WDR64: variants seen among roughly 807,000 people sequenced by gnomAD.
The protein encoded by WDR64 is WD repeat domain 64.
In WDR64, 112 loss-of-function variants were observed where a neutral mutation model predicts 139.3. The observed-to-expected ratio is 0.80, with a 90% confidence interval of 0.69 to 0.94. The LOEUF (loss-of-function observed/expected upper bound fraction) is 0.94, where lower values mean the gene tolerates loss of function less well. Ranked by LOEUF, WDR64 falls within the 40% of genes least tolerant of loss-of-function variation. The pLI is 0.00. For synonymous variants in WDR64, 444 were observed against 437.7 expected (o/e 1.01, Z -0.18); for missense variants, 1,206 against 1,293.1 (o/e 0.93, Z 1.03).
Position 241,770,613 on chromosome 1 carries a change from C to T in WDR64, c.2184-8C>T. The stretch of plus-strand genomic sequence containing the variant: ...TTTTACCTGTGGGCTTCCCCACTCC[C>T]CTTATAGGAGATCAAGTCAGGATTC... On this transcript the variant is annotated splice_polypyrimidine_tract_variant and splice_region_variant and intron_variant, in intron 17 of 27. Transcript: ENST00000437684. 1 of 1,551,028 alleles carries T rather than the reference C, an allele frequency of 6.4e-7. No homozygotes were observed. The highest frequency in any genetic ancestry group is 8.7e-7 in the Non-Finnish European group (1 of 1,146,656).
At chr1:241,787,369 A>AAG (rs1191232518) in intron 23 of WDR64, among the ~76,000 whole-genome samples, 2 of 151,270 alleles carry the variant, frequency 1.3e-5, no homozygotes, top group African/African-American at 4.9e-5. Context: ...TCAAAAAAAA[A>AAG]AAAAAAAAAT....
intron 27 of WDR64, among the ~76,000 whole-genome samples, chr1:241,799,496 A>G (rs909403306): frequency 3.3e-5 from 5 of 152,180 alleles, no homozygotes; most frequent in African/African-American, 1.2e-4. Context: ...TTTATTTTCA[A>G]ATCAATGTTG....
chr1:241,723,323 C>G lies in WDR64; in HGVS notation c.1081C>G (p.His361Asp). 1.9e-6 allele frequency: 3 copies of G among 1,613,930 alleles called. No homozygotes were observed. Among genetic ancestry groups the G allele is most frequent in the Non-Finnish European group, 2.5e-6 (3 of 1,179,880 alleles). ...AGATGATAAGGTCATCCGGTTGTGGCACCCCAATATCAGCACCAAGCCAGT... is the reference window on the plus strand; with the variant it reads ...AGATGATAAGGTCATCCGGTTGTGGGACCCCAATATCAGCACCAAGCCAGT... ...GGDDKVIRLW[H>D]PNISTKPVGK... Residue 361 changes from histidine (H) to aspartate (D), a missense_variant, in exon 10 of 28, where the codon CAC becomes GAC. Coordinates refer to ENST00000437684, the MANE Select transcript of WDR64 (RefSeq NM_001367482.1).
At chr1:241,693,425 G>A (rs1029687839) in intron 8 of WDR64, among the ~76,000 whole-genome samples, 2 of 150,228 alleles carry the variant, frequency 1.3e-5, no homozygotes, top group African/African-American at 2.5e-5. Context: ...AGGGAGCATA[G>A]AGAATTTTAG....
Position 241,753,442 on chromosome 1 carries a change from G to T in WDR64, c.1770+3720G>T, listed in dbSNP as rs112835257. On this transcript the variant is annotated intron_variant, in intron 14 of 27. Coordinates refer to ENST00000437684, the MANE Select transcript of WDR64 (RefSeq NM_001367482.1). ...AATATGGCCCAGCATGGTGGCTCAC[G>T]CCTGTAATCTCAGCAGTTTGGAAGG... 9.9e-5 allele frequency among the ~76,000 whole-genome samples: 15 copies of T among 152,142 alleles called. 1 individual carries two copies. The highest frequency in any genetic ancestry group is 1.3e-4 in the Admixed American group (2 of 15,288).
intron 8 of WDR64, among the ~76,000 whole-genome samples, chr1:241,700,935 C>G (rs1241979362): frequency 2.0e-5 from 3 of 152,090 alleles, no homozygotes; most frequent in African/African-American, 7.2e-5. Flanking sequence ...ATAATAAATA[C>G]CCCAACACCA....
chr1:241,783,347 G>A lies in WDR64; in HGVS notation c.2671G>A (p.Val891Met). 1.9e-6 allele frequency: 3 copies of A among 1,614,068 alleles called. No individual in the cohort carries two copies. Among genetic ancestry groups the A allele is most frequent in the Non-Finnish European group, 2.5e-6 (3 of 1,179,978 alleles). The change falls in exon 23 of 28, where the codon GTG becomes ATG. Residue 891 changes from valine to methionine, a missense_variant. Transcript: ENST00000437684. ...IQVIYVEEKQ[V>M]VLTASIDGSV... ...AGTAATCTATGTAGAAGAAAAACAA[G>A]TGGTACTTACTGCCTCCATCGATGG...
intron 14 of WDR64, among the ~76,000 whole-genome samples, chr1:241,754,054 A>G (rs1230819597): frequency 1.3e-5 from 2 of 151,946 alleles, no homozygotes; most frequent in Non-Finnish European, 2.9e-5. Context: ...CAAAATGCAG[A>G]AAAAAAACTC....
At chr1:241,663,291 G>A (rs1665901159) in intron 2 of WDR64, among the ~76,000 whole-genome samples, 1 of 152,212 alleles carries the variant, frequency 6.6e-6, no homozygotes. Flanking sequence ...GAAGACAAGG[G>A]GAGAGCTGGC....
Position 241,801,328 on chromosome 1 carries a change from G to A in WDR64, c.*113G>A. ...CACCAGACACTATCAGTCATCTCTGGTGTCAGGCCATCCTATTGATGGGAA... is the reference window on the plus strand; with the variant it reads ...CACCAGACACTATCAGTCATCTCTGATGTCAGGCCATCCTATTGATGGGAA... On this transcript the variant is annotated 3_prime_UTR_variant, in exon 28 of 28. Coordinates refer to ENST00000437684, the MANE Select transcript of WDR64 (RefSeq NM_001367482.1). 1 of 894,810 alleles carries A rather than the reference G, an allele frequency of 1.1e-6. No homozygotes were observed. Among genetic ancestry groups the A allele is most frequent in the Non-Finnish European group, 1.7e-6 (1 of 574,670 alleles). The allele number at this position is 894,810 out of a possible 1,614,324, so 55.4% of individuals were successfully genotyped here. A position where few individuals can be genotyped will look rare whatever the true frequency, so the allele number is the denominator to read the frequency against.
chr1:241,756,757 C>A (rs1219805364), intron 14 of WDR64, among the ~76,000 whole-genome samples: 2 of 152,170 alleles, frequency 1.3e-5, no homozygotes, highest in Non-Finnish European at 2.9e-5. Context: ...ACCCCAGATA[C>A]ATGCTCTAGA....
intron 7 of WDR64, among the ~76,000 whole-genome samples, chr1:241,686,817 T>C (rs1667022169): frequency 6.6e-6 from 1 of 152,172 alleles, no homozygotes; most frequent in Non-Finnish European, 1.5e-5. Context: ...TTGATTCAAA[T>C]AAGATATAAA....
chr1:241,703,595 G>A lies in WDR64; in HGVS notation c.975-8207G>A, dbSNP rs143806330. Among the ~76,000 whole-genome samples the A allele has an allele frequency of 9.1e-4, 138 of 152,112 alleles. 2 individuals are homozygous for A. In the East Asian group the frequency reaches 0.019, roughly 21 times the overall value. ...ATACATTTCTATTCTGTGTGACTCCGGGAAGTGGTTATTGTTAATCAGGTA... is the reference window on the plus strand; with the variant it reads ...ATACATTTCTATTCTGTGTGACTCCAGGAAGTGGTTATTGTTAATCAGGTA... On this transcript the variant is annotated intron_variant, in intron 8 of 27. Coordinates refer to ENST00000437684, the MANE Select transcript of WDR64 (RefSeq NM_001367482.1). This position sits in a 1 kb window ranked among gnomAD's most constrained non-coding sequence, Gnocchi z 5.9.
In WDR64 at chr1:241,741,527, A is replaced by C. The variant is rs1196714166; in HGVS notation, c.1333A>C (p.Met445Leu). ...HGMLITGSSV[M>L]DMYPLTRMIQ... ...TACTTCTGTTCCAGGATCTAGTGTT[A>C]TGGACATGTATCCTTTGACTAGGAT... Residue 445 changes from methionine (M) to leucine (L), a missense_variant, in exon 12 of 28, where the codon ATG (methionine) becomes CTG (leucine). Transcript: ENST00000437684. 5.0e-6 allele frequency: 8 copies of C among 1,607,202 alleles called. No individual in the cohort carries two copies. The highest frequency in any genetic ancestry group is 6.8e-6 in the Non-Finnish European group (8 of 1,178,248).
chr1:241,687,017 A>G (rs1667028806), intron 7 of WDR64, among the ~76,000 whole-genome samples: 1 of 152,146 alleles, frequency 6.6e-6, no homozygotes, highest in Admixed American at 6.6e-5. Flanking sequence ...TAAACAGTTA[A>G]AAGTGGGCCA....
At chr1:241,781,353 C>T (rs1482094646) in intron 22 of WDR64, among the ~76,000 whole-genome samples, 1 of 152,138 alleles carries the variant, frequency 6.6e-6, no homozygotes, top group Non-Finnish European at 1.5e-5. Flanking sequence ...TGTACTCAGA[C>T]AATGGAATCA....
chr1:241,655,201 G>A (rs1004022543), intron 1 of WDR64, among the ~76,000 whole-genome samples: 1 of 152,144 alleles, frequency 6.6e-6, no homozygotes, highest in African/African-American at 2.4e-5. Context: ...TTGCCAACAT[G>A]ATGAAACCCT....
rs1659324836 is a variant in WDR64, at chr1:241,795,102, A to C, written c.2998-105A>C. The C allele has an allele frequency of 9.9e-6, 9 of 907,446 alleles. No individual in the cohort carries two copies. The Admixed American group carries it at 1.8e-4, about 18-fold the overall frequency. The allele number at this position is 907,446 out of a possible 1,614,324, so 56.2% of individuals were successfully genotyped here. On this transcript the variant is annotated intron_variant, in intron 25 of 27. Transcript: ENST00000437684. ...TAACTAGGTAACAGGGAAGTCCCTTAAGATCACACATCTAATAAGTGACAG... is the reference window on the plus strand; with the variant it reads ...TAACTAGGTAACAGGGAAGTCCCTTCAGATCACACATCTAATAAGTGACAG...
At chr1:241,783,490 A>C (rs1658923410) in intron 23 of WDR64, 109 bp downstream of exon 23, 2 of 751,560 alleles carry the variant, frequency 2.7e-6, no homozygotes, top group Admixed American at 6.7e-5. Flanking sequence ...TGGTAAACTG[A>C]TTTAAATAAA....
Sources: gnomAD v4.1 joint callset for allele counts (sites outside exome capture counted in the v4.1 genomes callset) on GRCh38, gnomAD v4.1.1 for gene constraint, Gnocchi (gnomAD v3.1) non-coding constraint, MANE v1.5 for transcripts, NCBI Gene and HGNC (gene_info 2026-07-23, HGNC 2026-07-21) for gene names.